Variants in CFAP100 observed in about 807,000 individuals in gnomAD.
CFAP100 encodes the protein cilia and flagella associated protein 100, also known as cilia- and flagella-associated protein 100.
A neutral mutation model predicts 81.5 loss-of-function variants in CFAP100; 70 were observed. The observed-to-expected ratio is 0.86, with a 90% CI of 0.71 to 1.05. The LOEUF is 1.05. CFAP100 is among the 50% of genes least tolerant of loss of function. CFAP100 has a pLI of 0.00. For synonymous variants in CFAP100, 341 were observed against 314.8 expected (o/e 1.08, Z -0.88); for missense variants, 811 against 776.5 (o/e 1.04, Z -0.53).
intron 13 of CFAP100, among the ~76,000 whole-genome samples, chr3:126,425,853 C>T (rs1239172230): frequency 6.6e-6 from 1 of 152,166 alleles, no homozygotes; most frequent in Non-Finnish European, 1.5e-5. Context: ...CACAATCCAA[C>T]ATCCACTCAT....
intron 2 of CFAP100, among the ~76,000 whole-genome samples, chr3:126,406,659 T>A (rs1471516971): frequency 1.3e-5 from 2 of 152,094 alleles, no homozygotes; most frequent in Non-Finnish European, 2.9e-5. Context: ...AGAAAATGGC[T>A]CTAGCTTCCA....
intron 8 of CFAP100, among the ~76,000 whole-genome samples, chr3:126,419,399 TGAGA>T (rs1026329415): frequency 2.0e-5 from 3 of 152,216 alleles, no homozygotes; most frequent in African/African-American, 7.2e-5. Flanking sequence ...AGCTACAGCC[TGAGA>T]GAGGTGCGGT....
chr3:126,403,437 T>C (rs536813455), intron 2 of CFAP100, among the ~76,000 whole-genome samples: 1 of 148,364 alleles, frequency 6.7e-6, no homozygotes, highest in Admixed American at 6.8e-5. Context: ...CAGGCTGGAA[T>C]GCAGTGGTGC....
intron 3 of CFAP100, among the ~76,000 whole-genome samples, chr3:126,408,162 G>A (rs911057569): frequency 1.1e-4 from 16 of 152,202 alleles, no homozygotes; most frequent in African/African-American, 3.9e-4. Flanking sequence ...TGACTCAAAT[G>A]TGCCCATTTG....
intron 2 of CFAP100, among the ~76,000 whole-genome samples, chr3:126,405,626 G>C (rs112001261): frequency 0.13 from 19,083 of 152,194 alleles, 1,266 homozygotes; most frequent in South Asian, 0.21. Flanking sequence ...TTGTGCTACT[G>C]TGCTCCAGTC....
chr3:126,395,264 AG>A (rs1009573103), intron 1 of CFAP100: 2 of 152,200 alleles, frequency 1.3e-5, no homozygotes, highest in Non-Finnish European at 2.9e-5. Flanking sequence ...CTCACCCAAT[AG>A]GGGGCTGCAG....
rs1186621912 is a variant in CFAP100 at position 126,423,558 on chromosome 3, G to T, written c.1200G>T (p.Gln400His). 6.2e-7 allele frequency: 1 copy of T among 1,614,140 alleles called. No individual in the cohort carries two copies. Among genetic ancestry groups the T allele is most frequent in the Non-Finnish European group, 8.5e-7 (1 of 1,180,006 alleles). Residue 400 changes from glutamine (Q) to histidine (H), a missense_variant, in exon 13 of 17, where the codon CAG (glutamine) becomes CAT (histidine). Gln to His is a conservative substitution (Grantham distance 24). Transcript: ENST00000352312. ...LLDVFRELEEQNLSLIQNSQE... is the reference protein window; with the variant it reads ...LLDVFRELEEHNLSLIQNSQE... ...ATGTCTTCCGAGAGCTGGAGGAGCA[G>T]AACCTGTCGCTGATCCAGAACAGCC...
At chr3:126,403,344 A>G (rs998740988) in intron 2 of CFAP100, among the ~76,000 whole-genome samples, 2 of 150,550 alleles carry the variant, frequency 1.3e-5, no homozygotes, top group Non-Finnish European at 3.0e-5. Context: ...TTTGGAACTC[A>G]TGTCACATGA....
At chr3:126,409,223 C>A (rs2083116667) in intron 3 of CFAP100, among the ~76,000 whole-genome samples, 1 of 152,234 alleles carries the variant, frequency 6.6e-6, no homozygotes, top group Non-Finnish European at 1.5e-5. Context: ...AAACCACTGG[C>A]TCTCCTCTCC....
chr3:126,428,593 G>A (rs1933054723), intron 13 of CFAP100, among the ~76,000 whole-genome samples: 1 of 152,198 alleles, frequency 6.6e-6, no homozygotes, highest in Admixed American at 6.5e-5. Context: ...TTGATAGTGG[G>A]AGAGGCTGTG....
chr3:126,407,384 TG>T (rs1359011996), intron 3 of CFAP100, 132 bp downstream of exon 3: 8 of 569,508 alleles, frequency 1.4e-5, no homozygotes, highest in Non-Finnish European at 2.5e-5. Flanking sequence ...CATTAGGAAT[TG>T]GGTTGACTTG....
At chr3:126,423,414 C>T (rs775157915) in intron 12 of CFAP100, 38 bp downstream of exon 12, 6 of 1,609,088 alleles carry the variant, frequency 3.7e-6, no homozygotes, top group South Asian at 1.1e-5. Flanking sequence ...TCGGAAGTCG[C>T]CCCTCTCTTT....
At position 126,414,069 on chromosome 3, in the gene CFAP100, G is replaced by A; in HGVS notation, c.131-16G>A. ...AGAGCTGGCTCCCCTTTCCAGAGAG[G>A]TGTCTCCCTTTCCAGAACATGGTCC... On this transcript the variant is annotated splice_polypyrimidine_tract_variant and intron_variant, in intron 3 of 16. Coordinates refer to ENST00000352312, the MANE Select transcript of CFAP100 (RefSeq NM_182628.3). The A allele has an allele frequency of 1.3e-6, 2 of 1,591,998 alleles. No individual in the cohort carries two copies. The highest frequency in any genetic ancestry group is 1.7e-6 in the Non-Finnish European group (2 of 1,159,934).
In CFAP100 at chr3:126,416,493, C is replaced by G. The variant is rs377743845; in HGVS notation, c.403C>G (p.Leu135Val). The G allele has an allele frequency of 1.9e-6, 3 of 1,595,352 alleles. No individual in the cohort carries two copies. In the African/African-American group the frequency reaches 4.0e-5, roughly 21 times the overall value. ...CTTCCGCGACTACACGACCTGGAAG[C>G]TCACCTTGACCAAAGGTGCGTCCCC... ...RAFRDYTTWK[L>V]TLTKEKNVEP... Residue 135 changes from leucine (L) to valine (V), a missense_variant, in exon 5 of 17, where the codon CTC becomes GTC. Physicochemically the swap from Leu to Val is conservative, Grantham distance 32. Transcript: ENST00000352312.
chr3:126,423,361 C>T lies in CFAP100; in HGVS notation c.1119C>T (p.Thr373=), dbSNP rs756463663. The T allele has an allele frequency of 1.4e-5, 23 of 1,613,624 alleles. No individual in the cohort carries two copies. The highest frequency in any genetic ancestry group is 8.3e-5 in the Admixed American group (5 of 59,982). ...CCATCCCCCCCACGCAGGAGGACAC[C>T]GACAGCGATGGGGAGGTGAATGGCC... ...NSPIPPTQED[T]DSDGEEPQLY... is the part of the protein sequence containing the mutation. Residue 373 remains threonine, a synonymous_variant, in exon 12 of 17, where the codon ACC becomes ACT. Transcript: ENST00000352312.
chr3:126,428,396 C>G (rs1391949705), intron 13 of CFAP100, among the ~76,000 whole-genome samples: 2 of 152,106 alleles, frequency 1.3e-5, no homozygotes, highest in African/African-American at 4.8e-5. Flanking sequence ...ACAGCATTTG[C>G]AGGGCAATGA....
chr3:126,401,588 G>A (rs1040961772), intron 2 of CFAP100, among the ~76,000 whole-genome samples: 1 of 151,500 alleles, frequency 6.6e-6, no homozygotes, highest in African/African-American at 2.4e-5. Context: ...TAGACAGGGG[G>A]ATCAGGAAGG....
chr3:126,402,369 C>CG (rs1277459025), intron 2 of CFAP100, among the ~76,000 whole-genome samples: 1 of 152,038 alleles, frequency 6.6e-6, no homozygotes, highest in Non-Finnish European at 1.5e-5. Context: ...CAGGGCTGTG[C>CG]GGGGGAAGCT....
chr3:126,419,253 A>G, intron 8 of CFAP100, 97 bp downstream of exon 8: 1 of 768,436 alleles, frequency 1.3e-6, no homozygotes, highest in Non-Finnish European at 2.1e-6. Flanking sequence ...TGTGAACCTC[A>G]TGGCTTTACC....
Sources: allele counts gnomAD v4.1 joint callset (sites outside exome capture counted in the v4.1 genomes callset), GRCh38; gene constraint gnomAD v4.1.1; transcripts MANE v1.5; gene names NCBI Gene and HGNC (gene_info 2026-07-23, HGNC 2026-07-21).